CORIN: variants seen among roughly 807,000 people sequenced by gnomAD.
CORIN encodes corin, serine peptidase, also known as atrial natriuretic peptide-converting enzyme.
A neutral mutation model predicts 125.3 loss-of-function variants in CORIN; 117 were observed. That is an observed-to-expected ratio of 0.93 (90% confidence interval 0.80 to 1.09). The LOEUF (loss-of-function observed/expected upper bound fraction) is 1.09. CORIN is among the 50% of genes least tolerant of loss of function. The probability of loss-of-function intolerance (pLI) is 0.00; values close to 1 mark genes in which losing one functional copy is unlikely to be tolerated. For synonymous variants in CORIN, 450 were observed against 466.4 expected (o/e 0.96, Z 0.45); for missense variants, 1,253 against 1,306.7 (o/e 0.96, Z 0.63).
intron 16 of CORIN, among the ~76,000 whole-genome samples, chr4:47,632,722 A>AGAT (rs1553905876): frequency 1.6e-4 from 18 of 111,110 alleles, no homozygotes; most frequent in African/African-American, 5.3e-4. Context: ...AACTGACAAT[A>AGAT]GATGATAGAT....
intron 3 of CORIN, among the ~76,000 whole-genome samples, chr4:47,778,474 A>G (rs1218855621): frequency 6.6e-6 from 1 of 152,200 alleles, no homozygotes; most frequent in African/African-American, 2.4e-5. Context: ...GAGGAACCCA[A>G]TACATCCTAG....
intron 5 of CORIN, among the ~76,000 whole-genome samples, chr4:47,703,581 G>A (rs998641289): frequency 6.6e-6 from 1 of 152,158 alleles, no homozygotes; most frequent in Non-Finnish European, 1.5e-5. Flanking sequence ...TAACTTTTCT[G>A]AGCTTCAGTT....
Position 47,653,491 on chromosome 4 carries a change from G to A in CORIN, c.1843+62C>T. The A allele has an allele frequency of 3.0e-6, 4 of 1,348,690 alleles. No homozygotes were observed. In the Admixed American group the frequency reaches 6.9e-5, roughly 23 times the overall value. The allele number at this position is 1,348,690 out of a possible 1,614,324, so 83.5% of individuals were successfully genotyped here. Reference sequence around the variant, plus strand: ...GTGAATAGTTTCCATTTTTAACACAGTTTCTTATTTTATTCTAGTTATCAC... The same window carrying A: ...GTGAATAGTTTCCATTTTTAACACAATTTCTTATTTTATTCTAGTTATCAC... On this transcript the variant is annotated intron_variant, in intron 13 of 21. Transcript: ENST00000273857.
At chr4:47,760,323 G>A (rs1729388306) in intron 4 of CORIN, among the ~76,000 whole-genome samples, 1 of 152,076 alleles carries the variant, frequency 6.6e-6, no homozygotes, top group South Asian at 2.1e-4. Context: ...CTGAGCAGTA[G>A]GTGTCAAAAA....
intron 2 of CORIN, among the ~76,000 whole-genome samples, chr4:47,799,648 T>G (rs1050241337): frequency 6.6e-6 from 1 of 152,176 alleles, no homozygotes; most frequent in South Asian, 2.1e-4. Context: ...AGAATGATTT[T>G]GAAGATGCGT....
chr4:47,715,009 A>C (rs1252084982), intron 5 of CORIN, among the ~76,000 whole-genome samples: 1 of 152,222 alleles, frequency 6.6e-6, no homozygotes, highest in Non-Finnish European at 1.5e-5. Flanking sequence ...AGTAGCAATT[A>C]GGATAATCTA....
At chr4:47,794,512 G>A (rs923031428) in intron 2 of CORIN, among the ~76,000 whole-genome samples, 5 of 152,072 alleles carry the variant, frequency 3.3e-5, no homozygotes, top group African/African-American at 1.2e-4. Context: ...GTAATTTTAA[G>A]CTAGTTTTCA....
At chr4:47,825,360 C>G (rs1732697762) in intron 1 of CORIN, among the ~76,000 whole-genome samples, 1 of 152,204 alleles carries the variant, frequency 6.6e-6, no homozygotes. Context: ...CCACACCTAT[C>G]TGCGGCTAAT....
At chr4:47,674,348 G>T in intron 10 of CORIN, 45 bp downstream of exon 10, 2 of 1,281,188 alleles carry the variant, frequency 1.6e-6, no homozygotes, top group Middle Eastern at 1.8e-4. Flanking sequence ...AATGCTGAAT[G>T]CATGCCCTGA....
At chr4:47,713,878 C>A (rs1726970436) in intron 5 of CORIN, among the ~76,000 whole-genome samples, 1 of 151,998 alleles carries the variant, frequency 6.6e-6, no homozygotes, top group Non-Finnish European at 1.5e-5. Flanking sequence ...CTATTTAGAT[C>A]ATAACCACTT....
intron 3 of CORIN, among the ~76,000 whole-genome samples, chr4:47,767,377 A>T (rs1729807607): frequency 6.6e-6 from 1 of 152,286 alleles, no homozygotes; most frequent in South Asian, 2.1e-4. Flanking sequence ...AAAAAAGAAA[A>T]ATATTCATCT....
chr4:47,600,101 A>G (rs1721393232), intron 21 of CORIN, 113 bp downstream of exon 21: 2 of 936,970 alleles, frequency 2.1e-6, no homozygotes, highest in Non-Finnish European at 3.1e-6. Context: ...ACATTTGGCA[A>G]CAAATGATTT....
intron 3 of CORIN, among the ~76,000 whole-genome samples, chr4:47,773,553 A>G (rs1730155408): frequency 6.6e-6 from 1 of 152,206 alleles, no homozygotes; most frequent in Non-Finnish European, 1.5e-5. Flanking sequence ...AATCCTCTAA[A>G]CTTAAAATCT....
At position 47,763,521 on chromosome 4, in the gene CORIN, G is replaced by A. The variant is rs1436096655; in HGVS notation, c.475C>T (p.Leu159Phe). The A allele has an allele frequency of 4.3e-6, 7 of 1,614,044 alleles. No homozygotes were observed. The highest frequency in any genetic ancestry group is 3.3e-5 in the Admixed American group (2 of 60,004). ...MLPYHATLTP[L>F]LSVVRNMEME... ...TCCATGTTTCTGACAACTGAGAGGA[G>A]AGGTGTCAGCGTGGCGTGGTAGGGC... is the stretch of plus-strand genomic sequence containing the variant. Residue 159 changes from leucine to phenylalanine, a missense_variant, in exon 4 of 22, where the codon CTC (leucine) becomes TTC (phenylalanine). By Grantham distance (22) the Leu-to-Phe change is conservative. Transcript: ENST00000273857.
chr4:47,741,942 T>C (rs570443738), intron 5 of CORIN, among the ~76,000 whole-genome samples: 22 of 152,126 alleles, frequency 1.4e-4, no homozygotes, highest in African/African-American at 5.3e-4. Context: ...TGTAGGTTTC[T>C]TTCTAGGGTG....
At chr4:47,616,148 T>C (rs895703971) in intron 19 of CORIN, among the ~76,000 whole-genome samples, 1 of 152,116 alleles carries the variant, frequency 6.6e-6, no homozygotes, top group Admixed American at 6.6e-5. Flanking sequence ...TTAAATGTAT[T>C]CATGTGAAGT....
At chr4:47,663,208 T>C (rs1724329887) in intron 11 of CORIN, among the ~76,000 whole-genome samples, 1 of 152,146 alleles carries the variant, frequency 6.6e-6, no homozygotes, top group Non-Finnish European at 1.5e-5. Flanking sequence ...TGTTCAGCCA[T>C]AGGTAGCACC....
At chr4:47,806,521 G>A (rs1731802874) in intron 2 of CORIN, among the ~76,000 whole-genome samples, 2 of 152,084 alleles carry the variant, frequency 1.3e-5, no homozygotes, top group Non-Finnish European at 2.9e-5. Context: ...TTCTTTGAAT[G>A]TGCCCATGGG....
chr4:47,822,546 G>A (rs1297174968), intron 1 of CORIN, among the ~76,000 whole-genome samples: 1 of 152,098 alleles, frequency 6.6e-6, no homozygotes, highest in East Asian at 1.9e-4. Context: ...TATCTTTTAT[G>A]ACTTTCACAG....
Sources: allele counts gnomAD v4.1 joint callset (sites outside exome capture counted in the v4.1 genomes callset), GRCh38; gene constraint gnomAD v4.1.1; transcripts MANE v1.5; gene names NCBI Gene and HGNC (gene_info 2026-07-23, HGNC 2026-07-21).